LHX6: variants seen among roughly 807,000 people sequenced by gnomAD.
LHX6 encodes LIM/homeobox protein Lhx6.
Under a neutral mutation model 47.1 loss-of-function variants are expected in LHX6, and 15 were observed. The observed-to-expected ratio is 0.32, with a 90% CI of 0.21 to 0.49. LHX6 has a LOEUF of 0.49. Among genes scored for constraint, LHX6 ranks in the 20% least tolerant of loss-of-function variants. LHX6 has a pLI of 0.99. For missense variants in LHX6, 404 were observed against 539.6 expected (o/e 0.75, Z 2.49); for synonymous variants, 242 against 233.5 (o/e 1.04, Z -0.33).
chr9:122,214,765 A>G lies in LHX6; in HGVS notation c.683-382T>C, dbSNP rs1830535458. 6.6e-6 allele frequency among the ~76,000 whole-genome samples: 1 copy of G among 152,180 alleles called. No homozygotes were observed. The highest frequency in any genetic ancestry group is 1.5e-5 in the Non-Finnish European group (1 of 68,028). ...CCTGCTGGCGAAACTGGGGGACACCAAAGGCTAGAGGAGATAGGAAGCAAG... is the reference window on the plus strand; with the variant it reads ...CCTGCTGGCGAAACTGGGGGACACCGAAGGCTAGAGGAGATAGGAAGCAAG... On this transcript the variant is annotated intron_variant, in intron 5 of 9. Transcript: ENST00000394319. The surrounding 1 kb of genome is among the most constrained non-coding windows in gnomAD (Gnocchi z 4.6).
intron 4 of LHX6, among the ~76,000 whole-genome samples, chr9:122,223,127 C>A (rs905807098): frequency 6.6e-6 from 1 of 152,312 alleles, no homozygotes; most frequent in East Asian, 1.9e-4. Flanking sequence ...GCCTGGCACT[C>A]GATCGGCTTT....
At position 122,203,417 on chromosome 9, in the gene LHX6, G is replaced by A. The variant is rs868698720; in HGVS notation, c.*1343C>T. 9 of 152,600 alleles carry A rather than the reference G, an allele frequency of 5.9e-5. No individual in the cohort carries two copies. The highest frequency in any genetic ancestry group is 2.2e-4 in the African/African-American group (9 of 41,436). The allele number at this position is 152,600 out of a possible 1,614,324, so 9.5% of individuals were successfully genotyped here. A position where few individuals can be genotyped will look rare whatever the true frequency, so the allele number is the denominator to read the frequency against. On this transcript the variant is annotated 3_prime_UTR_variant, in exon 10 of 10. Transcript: ENST00000394319. ...GCAACATAACAGGTTAACCACAGCAGGAAGGCGGACTTGGGCTAAAACATG... is the reference window on the plus strand; with the variant it reads ...GCAACATAACAGGTTAACCACAGCAAGAAGGCGGACTTGGGCTAAAACATG...
At chr9:122,227,668 G>C (rs1428811432) in intron 1 of LHX6, 188 bp from the exon 2 acceptor site, 1 of 1,281,058 alleles carries the variant, frequency 7.8e-7, no homozygotes, top group Admixed American at 3.7e-5. Flanking sequence ...TTTGAATTTG[G>C]ATTGGATTTT....
In LHX6 at chr9:122,217,322, G is replaced by C; in HGVS notation, c.462-34C>G. On this transcript the variant is annotated intron_variant, in intron 4 of 9. Coordinates refer to ENST00000394319, the MANE Select transcript of LHX6 (RefSeq NM_014368.5). The surrounding 1 kb of genome is among the most constrained non-coding windows in gnomAD (Gnocchi z 4.9). ...CGAGAGGACAGGCACGGGGTGTCGA[G>C]ACTCAGACAGGCCAACCTTCCTCCT... 6.4e-7 allele frequency: 1 copy of C among 1,558,514 alleles called. No homozygotes were observed.
chr9:122,222,043 G>T (rs939948516), intron 4 of LHX6, among the ~76,000 whole-genome samples: 7 of 152,178 alleles, frequency 4.6e-5, no homozygotes, highest in Non-Finnish European at 1.5e-5. Flanking sequence ...GATAAAGCAG[G>T]TAAAGGGTTA....
chr9:122,227,989 TCTC>T lies in LHX6; in HGVS notation c.85-512_85-510del, dbSNP rs1018054387. ...ACCCCACTCCCCTTCCTCGCTCCCTTCTCCTCTCGGCACAAAATGCAAAAAGGA... is the reference window on the plus strand; with the variant it reads ...ACCCCACTCCCCTTCCTCGCTCCCTTCTCTCGGCACAAAATGCAAAAAGGA... On this transcript the variant is annotated intron_variant, in intron 1 of 9. Transcript: ENST00000394319. The T allele has an allele frequency of 5.1e-5, 10 of 196,380 alleles. No individual in the cohort carries two copies. In the Admixed American group the frequency reaches 7.3e-4, roughly 14 times the overall value. 12.2% of individuals were successfully genotyped at this position (196,380 alleles called of 1,614,324 possible). A position where few individuals can be genotyped will look rare whatever the true frequency, so the allele number is the denominator to read the frequency against.
At chr9:122,224,269 C>T (rs538684667) in intron 4 of LHX6, among the ~76,000 whole-genome samples, 1 of 152,238 alleles carries the variant, frequency 6.6e-6, no homozygotes, top group African/African-American at 2.4e-5. Context: ...TTGTGATCTA[C>T]CAGCCTTGGC....
intron 9 of LHX6, among the ~76,000 whole-genome samples, chr9:122,207,612 T>A (rs1830233059): frequency 1.3e-5 from 2 of 152,186 alleles, no homozygotes; most frequent in African/African-American, 4.8e-5. Context: ...CTACAGATTC[T>A]GCAGGATTTT....
intron 4 of LHX6, among the ~76,000 whole-genome samples, chr9:122,219,700 T>G (rs895139800): frequency 6.6e-6 from 1 of 152,024 alleles, no homozygotes; most frequent in Non-Finnish European, 1.5e-5. Context: ...CCGGTTTTCA[T>G]AGGAGGAATC....
chr9:122,224,492 C>G (rs1317209659), intron 4 of LHX6, among the ~76,000 whole-genome samples: 1 of 152,182 alleles, frequency 6.6e-6, no homozygotes, highest in Non-Finnish European at 1.5e-5. Flanking sequence ...TGACTACACA[C>G]ACACACACAC....
In LHX6 at chr9:122,213,861, C is replaced by A; in HGVS notation, c.880-81G>T. 3 of 1,524,436 alleles carry A rather than the reference C, an allele frequency of 2.0e-6. No homozygotes were observed. Among genetic ancestry groups the A allele is most frequent in the Non-Finnish European group, 2.7e-6 (3 of 1,129,284 alleles). 94.4% of individuals were successfully genotyped at this position (1,524,436 alleles called of 1,614,324 possible). A position where few individuals can be genotyped will look rare whatever the true frequency, so the allele number is the denominator to read the frequency against. On this transcript the variant is annotated intron_variant, in intron 7 of 9. Transcript: ENST00000394319. This position sits in a 1 kb window ranked among gnomAD's most constrained non-coding sequence, Gnocchi z 5.5. Reference sequence around the variant, plus strand: ...CGGGAGACCCCAGGCGGGACTGCCTCGTCGCCTCCTGGAGAAGGATGGCCA... The same window carrying A: ...CGGGAGACCCCAGGCGGGACTGCCTAGTCGCCTCCTGGAGAAGGATGGCCA...
In LHX6 at chr9:122,216,322, A is replaced by G. The variant is rs115673722; in HGVS notation, c.682+746T>C. ...CACTGCCCTTTCCCAGCTCCATCCC[A>G]TCTGTGACCCTGTCCCCAGGATCCG... On this transcript the variant is annotated intron_variant, in intron 5 of 9. Transcript: ENST00000394319. Among the ~76,000 whole-genome samples, 1,344 of 152,274 alleles carry G rather than the reference A, an allele frequency of 8.8e-3. 20 individuals carry two copies. The highest frequency in any genetic ancestry group is 0.037 in the Middle Eastern group (11 of 294).
chr9:122,220,590 C>A (rs562106227), intron 4 of LHX6, among the ~76,000 whole-genome samples: 22 of 152,370 alleles, frequency 1.4e-4, no homozygotes, highest in East Asian at 3.9e-4. Context: ...GGAACTGCCA[C>A]CAGAGCACCA....
intron 4 of LHX6, among the ~76,000 whole-genome samples, chr9:122,223,508 G>A (rs559467437): frequency 2.0e-5 from 3 of 152,286 alleles, no homozygotes; most frequent in Non-Finnish European, 2.9e-5. Context: ...CATTTAGGGA[G>A]CCTTTATAGA....
chr9:122,210,384 G>C (rs1179876682), intron 8 of LHX6, among the ~76,000 whole-genome samples: 1 of 152,248 alleles, frequency 6.6e-6, no homozygotes, highest in East Asian at 1.9e-4. Flanking sequence ...CATCTATTCA[G>C]ACCCTCCCTC....
At chr9:122,221,427 G>C (rs1205919156) in intron 4 of LHX6, 1 of 985,440 alleles carries the variant, frequency 1.0e-6, no homozygotes, top group African/African-American at 1.7e-5. Flanking sequence ...CTTTGCGGGA[G>C]GGGGTAGGCT....
At position 122,217,984 on chromosome 9, in the gene LHX6, C is replaced by T. The variant is rs571453012; in HGVS notation, c.462-696G>A. 1.3e-5 allele frequency among the ~76,000 whole-genome samples: 2 copies of T among 152,318 alleles called. No individual in the cohort carries two copies. The highest frequency in any genetic ancestry group is 3.9e-4 in the East Asian group (2 of 5,192). On this transcript the variant is annotated intron_variant, in intron 4 of 9. Coordinates refer to ENST00000394319, the MANE Select transcript of LHX6 (RefSeq NM_014368.5). The surrounding 1 kb of genome is among the most constrained non-coding windows in gnomAD (Gnocchi z 4.9). ...AGTTGGCTAAGTACCCAGCAAGTCC[C>T]TCTGGAGCCTGTGACATTCTATTAA...
intron 9 of LHX6, among the ~76,000 whole-genome samples, chr9:122,205,091 C>T (rs1032609732): frequency 3.3e-5 from 5 of 152,240 alleles, no homozygotes; most frequent in East Asian, 1.9e-4. Context: ...CCTGATTTCA[C>T]GGAAGCCGCA....
In LHX6 at chr9:122,214,844, G is replaced by A. The variant is rs544543774; in HGVS notation, c.683-461C>T. On this transcript the variant is annotated intron_variant, in intron 5 of 9. Transcript: ENST00000394319. This position sits in a 1 kb window ranked among gnomAD's most constrained non-coding sequence, Gnocchi z 4.6. ...ATAAAAATAAGCGGAAGGAAAAAAGGTTGTAAGAATATACAACAAGGTGTT... is the reference window on the plus strand; with the variant it reads ...ATAAAAATAAGCGGAAGGAAAAAAGATTGTAAGAATATACAACAAGGTGTT... 2.0e-5 allele frequency among the ~76,000 whole-genome samples: 3 copies of A among 152,306 alleles called. No homozygotes were observed. The highest frequency in any genetic ancestry group is 7.2e-5 in the African/African-American group (3 of 41,574).
Sources: allele counts gnomAD v4.1 joint callset (sites outside exome capture counted in the v4.1 genomes callset), GRCh38; gene constraint gnomAD v4.1.1; non-coding constraint Gnocchi (gnomAD v3.1); transcripts MANE v1.5; gene names NCBI Gene and HGNC (gene_info 2026-07-23, HGNC 2026-07-21).